PCDH7: variants seen among roughly 807,000 people sequenced by gnomAD.
PCDH7 encodes protocadherin-7.
In PCDH7, 17 loss-of-function variants were observed where a neutral mutation model predicts 58.9. The ratio of observed to expected loss-of-function variants is 0.29; its 90% CI spans 0.20 to 0.43. PCDH7 has a LOEUF of 0.43. Ranked by LOEUF, PCDH7 falls within the 20% of genes least tolerant of loss-of-function variation. PCDH7 has a pLI of 1.00. For synonymous variants in PCDH7, 664 were observed against 616.4 expected (o/e 1.08, Z -1.14); for missense variants, 1,274 against 1,441.0 (o/e 0.88, Z 1.88).
intron 3 of PCDH7, among the ~76,000 whole-genome samples, chr4:31,060,338 G>T (rs1180640635): frequency 3.3e-5 from 5 of 151,638 alleles, no homozygotes; most frequent in Non-Finnish European, 7.4e-5. Context: ...TTATACTTTT[G>T]CTAGCATTCA....
intron 3 of PCDH7, among the ~76,000 whole-genome samples, chr4:31,041,605 A>G (rs1419805928): frequency 6.6e-6 from 1 of 152,012 alleles, no homozygotes; most frequent in Admixed American, 6.6e-5. Context: ...GAGCAGTCCT[A>G]CAACGAAAAG....
intron 1 of PCDH7, among the ~76,000 whole-genome samples, chr4:30,751,856 T>C (rs1417248143): frequency 6.6e-6 from 1 of 152,140 alleles, no homozygotes; most frequent in Non-Finnish European, 1.5e-5. Context: ...CTAACAAATA[T>C]TTTGAGAATG....
At chr4:31,141,160 G>C (rs1330009254) in intron 3 of PCDH7, among the ~76,000 whole-genome samples, 1 of 152,194 alleles carries the variant, frequency 6.6e-6, no homozygotes, top group Non-Finnish European at 1.5e-5. Context: ...ATGGGGTGTG[G>C]AAGCAAAAGC....
intron 1 of PCDH7, among the ~76,000 whole-genome samples, chr4:30,841,781 A>G (rs1251854516): frequency 6.6e-6 from 1 of 152,092 alleles, no homozygotes; most frequent in Non-Finnish European, 1.5e-5. Flanking sequence ...TTGTCTCCTT[A>G]TAATTTCCAG....
intron 3 of PCDH7, among the ~76,000 whole-genome samples, chr4:31,056,933 T>C (rs1392583704): frequency 6.6e-6 from 1 of 152,192 alleles, no homozygotes; most frequent in East Asian, 1.9e-4. Flanking sequence ...GGACAAACTT[T>C]AAATATGTAT....
chr4:30,797,624 A>T (rs1724973571), intron 1 of PCDH7, among the ~76,000 whole-genome samples: 1 of 152,166 alleles, frequency 6.6e-6, no homozygotes, highest in Non-Finnish European at 1.5e-5. Context: ...GTGCATATGT[A>T]TGTGTATTTC....
chr4:30,986,377 T>C (rs1750968435), intron 3 of PCDH7, among the ~76,000 whole-genome samples: 1 of 152,182 alleles, frequency 6.6e-6, no homozygotes, highest in South Asian at 2.1e-4. Context: ...AGATGGTTTG[T>C]AGCTATGAGT....
intron 3 of PCDH7, among the ~76,000 whole-genome samples, chr4:31,015,421 G>A (rs1015169538): frequency 6.6e-5 from 10 of 152,258 alleles, no homozygotes; most frequent in Middle Eastern, 6.8e-3. Context: ...AGTAAGATAT[G>A]TCTGTCAAAT....
At chr4:30,753,915 A>T (rs1038909879) in intron 1 of PCDH7, among the ~76,000 whole-genome samples, 1 of 152,198 alleles carries the variant, frequency 6.6e-6, no homozygotes, top group East Asian at 1.9e-4. Context: ...CATGAATTAG[A>T]TTTGAATATT....
chr4:30,811,423 C>G (rs1013472742), intron 1 of PCDH7, among the ~76,000 whole-genome samples: 2 of 152,140 alleles, frequency 1.3e-5, no homozygotes, highest in African/African-American at 4.8e-5. Flanking sequence ...GTTTAATTGG[C>G]AACATTCAAC....
rs144309535 is a variant in PCDH7 at position 30,766,719 on chromosome 4, A to G, written c.70+42123A>G. Among the ~76,000 whole-genome samples the G allele has an allele frequency of 4.6e-3, 694 of 152,180 alleles. 5 individuals are homozygous for G. Among genetic ancestry groups the G allele is most frequent in the African/African-American group, 0.016 (657 of 41,524 alleles). On this transcript the variant is annotated intron_variant, in intron 1 of 3. Transcript: ENST00000509759. The stretch of plus-strand genomic sequence containing the variant: ...GACAGTGTCCCATTTATATTTTTAA[A>G]AAGCAAGAACAAAGTATTTTCTATA...
intron 1 of PCDH7, among the ~76,000 whole-genome samples, chr4:30,886,722 T>A (rs201730903): frequency 2.0e-5 from 3 of 151,228 alleles, no homozygotes; most frequent in Non-Finnish European, 2.9e-5. Flanking sequence ...TGGAACCAAC[T>A]CAAACGTCCA....
chr4:30,808,188 T>C (rs1278770685), intron 1 of PCDH7, among the ~76,000 whole-genome samples: 5 of 152,174 alleles, frequency 3.3e-5, no homozygotes, highest in Non-Finnish European at 7.3e-5. Flanking sequence ...AGATTAATAA[T>C]TGATTTTGGA....
At chr4:30,919,194 A>C (rs1425470235) in intron 1 of PCDH7, among the ~76,000 whole-genome samples, 13 of 151,342 alleles carry the variant, frequency 8.6e-5, no homozygotes, top group African/African-American at 3.2e-4. Context: ...AAATAATCTC[A>C]GACTGACATT....
intron 1 of PCDH7, among the ~76,000 whole-genome samples, chr4:30,878,672 A>AC (rs1292981821): frequency 2.6e-5 from 4 of 152,002 alleles, no homozygotes; most frequent in South Asian, 2.1e-4. Flanking sequence ...AACACGGCAA[A>AC]CCCCCCGTCT....
chr4:30,816,827 G>A (rs1490538155), intron 1 of PCDH7, among the ~76,000 whole-genome samples: 1 of 152,080 alleles, frequency 6.6e-6, no homozygotes, highest in Admixed American at 6.5e-5. Context: ...TTATCAGAAA[G>A]AATAGGGAAA....
intron 3 of PCDH7, among the ~76,000 whole-genome samples, chr4:30,988,219 G>A (rs1472953059): frequency 6.6e-6 from 1 of 152,172 alleles, no homozygotes; most frequent in African/African-American, 2.4e-5. Context: ...GATAGGAAAT[G>A]AGGGATGCAT....
At chr4:30,865,312 A>G (rs571527192) in intron 1 of PCDH7, among the ~76,000 whole-genome samples, 1 of 152,226 alleles carries the variant, frequency 6.6e-6, no homozygotes, top group South Asian at 2.1e-4. Context: ...ATTACATTGT[A>G]GTGTTCAGGA....
At chr4:31,025,527 T>C (rs1490524685) in intron 3 of PCDH7, among the ~76,000 whole-genome samples, 1 of 152,216 alleles carries the variant, frequency 6.6e-6, no homozygotes, top group Non-Finnish European at 1.5e-5. Flanking sequence ...CAAGGAGATA[T>C]ATGAGATTGT....
Sources: allele counts gnomAD v4.1 joint callset (sites outside exome capture counted in the v4.1 genomes callset), GRCh38; gene constraint gnomAD v4.1.1; transcripts MANE v1.5; gene names NCBI Gene and HGNC (gene_info 2026-07-23, HGNC 2026-07-21).